The following HACD4 variants were observed in gnomAD, a reference collection of about 807,000 sequenced individuals.
The protein encoded by HACD4 is 3-hydroxyacyl-CoA dehydratase 4, also known as very-long-chain (3R)-3-hydroxyacyl-CoA dehydratase 4.
Under a neutral mutation model 33.3 loss-of-function variants are expected in HACD4, and 35 were observed. That is an observed-to-expected ratio of 1.05 (90% CI 0.80 to 1.39). The LOEUF is 1.39. Among genes scored for constraint, HACD4 ranks in the 40% most tolerant of loss-of-function variants. The pLI is 0.00. For missense variants in HACD4, 323 were observed against 276.5 expected (o/e 1.17, Z -1.19); for synonymous variants, 118 against 98.0 (o/e 1.20, Z -1.21).
intron 3 of HACD4, among the ~76,000 whole-genome samples, chr9:21,024,412 C>T (rs1310533246): frequency 6.6e-6 from 1 of 152,228 alleles, no homozygotes; most frequent in Non-Finnish European, 1.5e-5. Flanking sequence ...TTTGCAAACT[C>T]GCCTTTGAAT....
intron 2 of HACD4, among the ~76,000 whole-genome samples, chr9:21,028,119 G>A (rs113602156): frequency 0.015 from 1,697 of 116,848 alleles, 29 homozygotes; most frequent in African/African-American, 0.052. Flanking sequence ...TGGGCGACAA[G>A]AGGGAAACTC....
At chr9:21,019,492 A>G (rs987614678) in intron 3 of HACD4, among the ~76,000 whole-genome samples, 2 of 152,160 alleles carry the variant, frequency 1.3e-5, no homozygotes, top group African/African-American at 4.8e-5. Flanking sequence ...ATAAAAGCCC[A>G]AATAAATGTA....
Position 21,008,077 on chromosome 9 carries a change from T to A in HACD4, c.560A>T (p.Asp187Val). ...FGTYSTKLPF[D>V]LSIYFPYVLK... ...CACATATGGGAAATAGATGGATAAG[T>A]CAAAGGGCAGCTTGGTGGAATAAGT... The change falls in exon 6 of 7, where the codon GAC becomes GTC. Residue 187 changes from aspartate to valine, a missense_variant. Transcript: ENST00000495827. 6.2e-7 allele frequency: 1 copy of A among 1,611,794 alleles called. No individual in the cohort carries two copies. Among genetic ancestry groups the A allele is most frequent in the Non-Finnish European group, 8.5e-7 (1 of 1,178,766 alleles).
intron 3 of HACD4, among the ~76,000 whole-genome samples, chr9:21,016,369 A>G (rs1427863953): frequency 6.6e-6 from 1 of 152,282 alleles, no homozygotes; most frequent in East Asian, 1.9e-4. Flanking sequence ...TGCTCCAAAG[A>G]GGGTAGCAGT....
chr9:21,026,919 T>C (rs1818077186), intron 2 of HACD4, among the ~76,000 whole-genome samples, 196 bp from the exon 3 acceptor site: 1 of 152,262 alleles, frequency 6.6e-6, no homozygotes, highest in South Asian at 2.1e-4. Context: ...TGTAGTCTAT[T>C]TTAATTGCTC....
At chr9:21,023,541 C>T (rs2132794979) in intron 3 of HACD4, among the ~76,000 whole-genome samples, 1 of 151,960 alleles carries the variant, frequency 6.6e-6, no homozygotes, top group Non-Finnish European at 1.5e-5. Context: ...GGACCAGTTC[C>T]CCCCAAGAAG....
At position 21,004,286 on chromosome 9, in the gene HACD4, TA is replaced by T. The variant is rs1842218970; in HGVS notation, c.*2750del. 1 of 152,174 alleles carries T rather than the reference TA, an allele frequency of 6.6e-6. No individual in the cohort carries two copies. The highest frequency in any genetic ancestry group is 2.4e-5 in the African/African-American group (1 of 41,420). 9.4% of individuals were successfully genotyped at this position (152,174 alleles called of 1,614,324 possible). The stretch of plus-strand genomic sequence containing the variant: ...CCTCTCATAGTGCTAGGATTACAGG[TA>T]TGAGCCAGCATGCCTGGCCAGGGTC... On this transcript the variant is annotated 3_prime_UTR_variant, in exon 7 of 7. Transcript: ENST00000495827. The surrounding 1 kb of genome is among the most constrained non-coding windows in gnomAD (Gnocchi z 4.6).
In HACD4 at chr9:21,004,580, A is replaced by G. The variant is rs1842225835; in HGVS notation, c.*2457T>C. 1 of 152,282 alleles carries G rather than the reference A, an allele frequency of 6.6e-6. No individual in the cohort carries two copies. Among genetic ancestry groups the G allele is most frequent in the Admixed American group, 6.5e-5 (1 of 15,268 alleles). 9.4% of individuals were successfully genotyped at this position (152,282 alleles called of 1,614,324 possible). ...AGAAGGCATTCATCTGCAAACCATG[A>G]AGAAGAATCAGCTAGCACCTTGGAA... is the stretch of plus-strand genomic sequence containing the variant. On this transcript the variant is annotated 3_prime_UTR_variant, in exon 7 of 7. Coordinates refer to ENST00000495827, the MANE Select transcript of HACD4 (RefSeq NM_001010915.5). The surrounding 1 kb of genome is among the most constrained non-coding windows in gnomAD (Gnocchi z 4.6).
chr9:21,015,747 C>T (rs905844977), intron 4 of HACD4, 151 bp downstream of exon 4: 2 of 530,868 alleles, frequency 3.8e-6, no homozygotes, highest in East Asian at 6.1e-5. Flanking sequence ...ATGGAGAACA[C>T]TAAAAATACA....
At chr9:21,012,873 C>G (rs1318042492) in intron 4 of HACD4, among the ~76,000 whole-genome samples, 4 of 152,074 alleles carry the variant, frequency 2.6e-5, no homozygotes, top group African/African-American at 9.7e-5. Flanking sequence ...TCAAGACCAG[C>G]CTGGCCAACG....
At chr9:21,018,374 C>T (rs1241633867) in intron 3 of HACD4, among the ~76,000 whole-genome samples, 3 of 152,064 alleles carry the variant, frequency 2.0e-5, no homozygotes, top group Admixed American at 6.6e-5. Flanking sequence ...CTAGACAATA[C>T]GACTTCAAAT....
intron 3 of HACD4, among the ~76,000 whole-genome samples, chr9:21,024,814 A>T (rs1413386456): frequency 2.0e-5 from 3 of 152,240 alleles, no homozygotes; most frequent in Admixed American, 6.5e-5. Context: ...AAAGGCCTTT[A>T]AAAAATACCA....
intron 5 of HACD4, among the ~76,000 whole-genome samples, chr9:21,010,655 C>T (rs1036977434): frequency 2.0e-5 from 3 of 152,100 alleles, no homozygotes; most frequent in Admixed American, 2.0e-4. Context: ...GGTTCAAGCA[C>T]ACAACATTTA....
rs1481410187 is a variant in HACD4 at position 21,001,254 on chromosome 9, TA to T, written c.*5782del. 6.6e-6 allele frequency: 1 copy of T among 151,556 alleles called. No individual in the cohort carries two copies. The highest frequency in any genetic ancestry group is 2.4e-5 in the African/African-American group (1 of 41,236). The allele number at this position is 151,556 out of a possible 1,614,324, so 9.4% of individuals were successfully genotyped here. On this transcript the variant is annotated 3_prime_UTR_variant, in exon 7 of 7. Transcript: ENST00000495827. ...TCAATATAGAGAAAATCTAAGACGA[TA>T]CAAAAAAGAAATTCAAGAGCTGGAA... is the stretch of plus-strand genomic sequence containing the variant.
chr9:21,026,250 A>C (rs1818057955), intron 3 of HACD4, among the ~76,000 whole-genome samples: 1 of 152,224 alleles, frequency 6.6e-6, no homozygotes, highest in Non-Finnish European at 1.5e-5. Context: ...GGTAAGCAGA[A>C]AAGCCAGGCT....
At chr9:21,011,461 C>T (rs1005185029) in intron 5 of HACD4, 128 bp downstream of exon 5, 2 of 662,616 alleles carry the variant, frequency 3.0e-6, no homozygotes, top group Non-Finnish European at 5.4e-6. Context: ...GGAAATATGC[C>T]AGTAAGGATA....
chr9:21,028,827 A>G (rs907933471), intron 2 of HACD4, among the ~76,000 whole-genome samples: 6 of 152,176 alleles, frequency 3.9e-5, no homozygotes, highest in Non-Finnish European at 7.4e-5. Flanking sequence ...TTTACATATT[A>G]CTTCTTAAAG....
At chr9:21,015,325 C>T (rs1842530871) in intron 4 of HACD4, 2 of 152,154 alleles carry the variant, frequency 1.3e-5, no homozygotes, top group Admixed American at 6.5e-5. Flanking sequence ...CAGAGTGAGG[C>T]GTAAGCACTC....
chr9:21,008,227 G>C, intron 5 of HACD4, 81 bp from the exon 6 acceptor site: 1 of 1,200,388 alleles, frequency 8.3e-7, no homozygotes, highest in Non-Finnish European at 1.1e-6. Flanking sequence ...CATAGTTGTA[G>C]GATATTTTGA....
Sources: gnomAD v4.1 joint callset for allele counts (sites outside exome capture counted in the v4.1 genomes callset) on GRCh38, gnomAD v4.1.1 for gene constraint, Gnocchi (gnomAD v3.1) non-coding constraint, MANE v1.5 for transcripts, NCBI Gene and HGNC (gene_info 2026-07-23, HGNC 2026-07-21) for gene names.